LRRC1: variants seen among roughly 807,000 people sequenced by gnomAD.
LRRC1 encodes the protein leucine rich repeat containing 1.
LRRC1 carries 28 observed loss-of-function variants against 69.9 expected under a neutral mutation model. The ratio of observed to expected loss-of-function variants is 0.40; its 90% confidence interval spans 0.30 to 0.55. LRRC1 has a LOEUF of 0.55. Among genes scored for constraint, LRRC1 ranks in the 20% least tolerant of loss-of-function variants. The pLI, the probability that LRRC1 is intolerant of heterozygous loss-of-function variation, is 0.47. For missense variants in LRRC1, 498 were observed against 609.0 expected, an observed-to-expected ratio of 0.82 and a Z score of 1.92; for synonymous variants, 236 against 240.2, an observed-to-expected ratio of 0.98 and a Z score of 0.16.
At chr6:53,900,020 GTTTTTTTTT>G (rs869246243) in intron 8 of LRRC1, 129 bp downstream of exon 8, 717 of 190,218 alleles carry the variant, frequency 3.8e-3, no homozygotes, top group Middle Eastern at 9.8e-3. Flanking sequence ...TCTCCTTACT[GTTTTTTTTT>G]TTTTTTTTTT....
Position 53,879,088 on chromosome 6 carries a change from C to A in LRRC1, c.356+17C>A. On this transcript the variant is annotated intron_variant, in intron 3 of 13. Coordinates refer to ENST00000370888, the MANE Select transcript of LRRC1 (RefSeq NM_018214.5). ...ACTGACTAGGTAAGCTTTCTGCTTACTTTTCTGTCTATACTAGTAAGAGTA... is the reference window on the plus strand; with the variant it reads ...ACTGACTAGGTAAGCTTTCTGCTTAATTTTCTGTCTATACTAGTAAGAGTA... 6.3e-7 allele frequency: 1 copy of A among 1,583,230 alleles called. No individual in the cohort carries two copies. The highest frequency in any genetic ancestry group is 8.7e-7 in the Non-Finnish European group (1 of 1,153,502).
At chr6:53,866,963 G>A (rs768828871) in intron 2 of LRRC1, among the ~76,000 whole-genome samples, 10 of 151,738 alleles carry the variant, frequency 6.6e-5, no homozygotes, top group Non-Finnish European at 1.0e-4. Context: ...CAGAGACAGC[G>A]TTATCCTTGG....
chr6:53,913,248 A>C (rs1768467915), intron 10 of LRRC1, among the ~76,000 whole-genome samples: 1 of 152,202 alleles, frequency 6.6e-6, no homozygotes, highest in Non-Finnish European at 1.5e-5. Flanking sequence ...TTTTACATTC[A>C]TCAAAAAAAG....
chr6:53,804,721 T>G (rs1291108663), intron 1 of LRRC1, among the ~76,000 whole-genome samples: 2 of 152,224 alleles, frequency 1.3e-5, no homozygotes, highest in Non-Finnish European at 2.9e-5. Context: ...GTTCTTGTAT[T>G]TATTACTTTG....
At chr6:53,892,743 A>G (rs140965536) in intron 4 of LRRC1, among the ~76,000 whole-genome samples, 131 of 152,336 alleles carry the variant, frequency 8.6e-4, no homozygotes, top group African/African-American at 3.1e-3. Context: ...TGTTACTACA[A>G]CAATTTGGAG....
At chr6:53,829,581 C>T (rs1372447408) in intron 1 of LRRC1, among the ~76,000 whole-genome samples, 1 of 152,172 alleles carries the variant, frequency 6.6e-6, no homozygotes, top group Non-Finnish European at 1.5e-5. Context: ...GGTACCAGAA[C>T]ATGGTCTCTC....
At chr6:53,893,652 T>C (rs933678282) in intron 4 of LRRC1, among the ~76,000 whole-genome samples, 2 of 152,172 alleles carry the variant, frequency 1.3e-5, no homozygotes, top group African/African-American at 2.4e-5. Context: ...TTTGAAACAC[T>C]AACAGTTCCA....
chr6:53,899,274 A>G (rs1767969142), intron 7 of LRRC1, among the ~76,000 whole-genome samples: 1 of 152,172 alleles, frequency 6.6e-6, no homozygotes, highest in Non-Finnish European at 1.5e-5. Flanking sequence ...CTGGGGAGCA[A>G]TTGCATTGAT....
intron 10 of LRRC1, among the ~76,000 whole-genome samples, chr6:53,907,322 G>A (rs931490739): frequency 9.2e-5 from 14 of 152,048 alleles, no homozygotes; most frequent in African/African-American, 3.4e-4. Context: ...GGTATGCTGT[G>A]TAGTTCTTCC....
chr6:53,883,918 A>G, intron 4 of LRRC1: 1 of 717,766 alleles, frequency 1.4e-6, no homozygotes, highest in Non-Finnish European at 2.6e-6. Flanking sequence ...ATATTTGCAG[A>G]CAGCTTTTCC....
chr6:53,878,966 T>C, intron 2 of LRRC1, 27 bp from the exon 3 acceptor site: 1 of 1,471,010 alleles, frequency 6.8e-7, no homozygotes, highest in Admixed American at 1.7e-5. Context: ...TGGTGGCAAA[T>C]TATAGACATT....
chr6:53,865,602 T>G (rs1766676995), intron 2 of LRRC1, among the ~76,000 whole-genome samples: 1 of 152,146 alleles, frequency 6.6e-6, no homozygotes, highest in Non-Finnish European at 1.5e-5. Flanking sequence ...CTCTGATTTG[T>G]TTTAACATCA....
At chr6:53,871,875 C>T (rs966887938) in intron 2 of LRRC1, among the ~76,000 whole-genome samples, 1 of 152,176 alleles carries the variant, frequency 6.6e-6, no homozygotes, top group East Asian at 1.9e-4. Context: ...GCCATGTTAG[C>T]CAGGCTGGTC....
chr6:53,909,369 CTG>C (rs983842662), intron 10 of LRRC1, among the ~76,000 whole-genome samples: 1 of 152,184 alleles, frequency 6.6e-6, no homozygotes, highest in Non-Finnish European at 1.5e-5. Context: ...CTTAAATAAT[CTG>C]TGATACATCC....
At chr6:53,897,386 C>T in intron 7 of LRRC1, 27 bp downstream of exon 7, 3 of 1,484,550 alleles carry the variant, frequency 2.0e-6, no homozygotes, top group Non-Finnish European at 2.8e-6. Flanking sequence ...CAGTGTCTCC[C>T]CAAAACATAA....
At chr6:53,902,890 T>C in intron 9 of LRRC1, 143 bp downstream of exon 9, 3 of 581,168 alleles carry the variant, frequency 5.2e-6, no homozygotes, top group Middle Eastern at 3.3e-4. Flanking sequence ...TAAAGATCAG[T>C]TTTTAACCTG....
At chr6:53,919,731 G>A in intron 12 of LRRC1, 61 bp downstream of exon 12, 1 of 1,451,922 alleles carries the variant, frequency 6.9e-7, no homozygotes, top group Non-Finnish European at 9.4e-7. Flanking sequence ...CCTAATGTCT[G>A]TCCATAAGGC....
intron 2 of LRRC1, among the ~76,000 whole-genome samples, chr6:53,861,768 T>G (rs1242795827): frequency 1.3e-5 from 2 of 151,906 alleles, no homozygotes; most frequent in Non-Finnish European, 2.9e-5. Flanking sequence ...GAGAAGGTTT[T>G]TTGGGTCTGA....
At chr6:53,896,984 A>G (rs1767895404) in intron 6 of LRRC1, 92 bp downstream of exon 6, 1 of 819,800 alleles carries the variant, frequency 1.2e-6, no homozygotes, top group Non-Finnish European at 2.0e-6. Context: ...TTATGAAGCC[A>G]GTATTTCCAC....
Sources: allele counts gnomAD v4.1 joint callset (sites outside exome capture counted in the v4.1 genomes callset), GRCh38; gene constraint gnomAD v4.1.1; transcripts MANE v1.5; gene names NCBI Gene and HGNC (gene_info 2026-07-23, HGNC 2026-07-21).